Variants in NAIF1 observed in about 807,000 individuals in gnomAD.
NAIF1 encodes nuclear apoptosis-inducing factor 1.
In NAIF1, 14 loss-of-function variants were observed where a neutral mutation model predicts 20.7. The observed-to-expected ratio is 0.67, with a 90% confidence interval of 0.45 to 1.05. The LOEUF (loss-of-function observed/expected upper bound fraction) is 1.05, where lower values mean the gene tolerates loss of function less well. Among genes scored for constraint, NAIF1 ranks in the 50% least tolerant of loss-of-function variants. The probability of loss-of-function intolerance (pLI) is 0.00; values close to 1 mark genes in which losing one functional copy is unlikely to be tolerated. For synonymous variants in NAIF1, 191 were observed against 191.4 expected (o/e 1.00, Z 0.02); for missense variants, 362 against 448.8 (o/e 0.81, Z 1.75).
rs1239560609 is a variant in NAIF1, at chr9:128,066,767, C to A, written c.335G>T (p.Gly112Val). 1 of 1,609,504 alleles carries A rather than the reference C, an allele frequency of 6.2e-7. No individual in the cohort carries two copies. Among genetic ancestry groups the A allele is most frequent in the Non-Finnish European group, 8.5e-7 (1 of 1,177,502 alleles). ...DGAGGPGTGG[G>V]SGGGGPAVAP... ...TACAGCTGGGCCACCGCCACCACTG[C>A]CACCGCCTGTCCCAGGCCCCCCAGC... is the stretch of plus-strand genomic sequence containing the variant. The change falls in exon 1 of 2, where the codon GGC becomes GTC. Residue 112 changes from glycine to valine, a missense_variant. Physicochemically the swap from Gly to Val is moderately radical, Grantham distance 109. This residue lies in a region of NAIF1 where 300 missense variants were observed against 342.7 expected (regional missense o/e 0.88). Coordinates refer to ENST00000373078, the MANE Select transcript of NAIF1 (RefSeq NM_197956.4).
At position 128,063,792 on chromosome 9, in the gene NAIF1, T is replaced by C; in HGVS notation, c.620A>G (p.Gln207Arg). ...PPETPVDMMAQHADTSVKPQA... is the reference protein window; with the variant it reads ...PPETPVDMMARHADTSVKPQA... ...CGGCTTGACCGACGTGTCTGCATGC[T>C]GGGCCATCATGTCCACAGGGGTCTC... The change falls in exon 2 of 2, where the codon CAG (glutamine) becomes CGG (arginine). Residue 207 changes from glutamine to arginine, a missense_variant. Transcript: ENST00000373078. The surrounding 1 kb of genome is among the most constrained non-coding windows in gnomAD (Gnocchi z 4.3). 6.2e-7 allele frequency: 1 copy of C among 1,613,880 alleles called. No individual in the cohort carries two copies. The highest frequency in any genetic ancestry group is 8.5e-7 in the Non-Finnish European group (1 of 1,180,038).
In NAIF1 at chr9:128,067,249, A is replaced by T. The variant is rs1832796929; in HGVS notation, c.-148T>A. On this transcript the variant is annotated 5_prime_UTR_variant, in exon 1 of 2. Transcript: ENST00000373078. ...GAGGCCAAGCACTAGGCCTTTGGTAACCCCCCTCGCTACGCAAAGTGCGTA... is the reference window on the plus strand; with the variant it reads ...GAGGCCAAGCACTAGGCCTTTGGTATCCCCCCTCGCTACGCAAAGTGCGTA... 4 of 979,068 alleles carry T rather than the reference A, an allele frequency of 4.1e-6. No homozygotes were observed. The highest frequency in any genetic ancestry group is 5.8e-6 in the Non-Finnish European group (4 of 684,408). The allele number at this position is 979,068 out of a possible 1,614,324, so 60.6% of individuals were successfully genotyped here.
At chr9:128,065,914 AGAAGCCCCCTTCCTCTTCCGGGGCCT>A (rs1832772010) in intron 1 of NAIF1, among the ~76,000 whole-genome samples, 1 of 152,270 alleles carries the variant, frequency 6.6e-6, no homozygotes, top group Admixed American at 6.5e-5. Context: ...TATGCCACCA[AGAAGCCCCCTTCCTCTTCCGGGGCCT>A]GAGGTTTTCC....
At position 128,066,702 on chromosome 9, in the gene NAIF1, T is replaced by G. The variant is rs1832785775; in HGVS notation, c.400A>C (p.Asn134His). 1 of 1,611,478 alleles carries G rather than the reference T, an allele frequency of 6.2e-7. No homozygotes were observed. The highest frequency in any genetic ancestry group is 1.3e-5 in the African/African-American group (1 of 74,902). ...ATGATGGTGGCCTCGCCCAGCAGGTTGCAGATACGTTGTTGCATGGGGGTC... is the reference window on the plus strand; with the variant it reads ...ATGATGGTGGCCTCGCCCAGCAGGTGGCAGATACGTTGTTGCATGGGGGTC... ...LLTPMQQRICNLLGEATIISL... is the reference protein window; with the variant it reads ...LLTPMQQRICHLLGEATIISL... The change falls in exon 1 of 2, where the codon AAC becomes CAC. Residue 134 changes from asparagine (N) to histidine (H), a missense_variant. By Grantham distance (68) the Asn-to-His change is moderately conservative. Transcript: ENST00000373078.
rs1041966694 is a variant in NAIF1, at chr9:128,063,515, G to A, written c.897C>T (p.Tyr299=). The A allele has an allele frequency of 2.5e-6, 4 of 1,609,884 alleles. No homozygotes were observed. The highest frequency in any genetic ancestry group is 2.7e-5 in the African/African-American group (2 of 74,952). The stretch of plus-strand genomic sequence containing the variant: ...CCGGGTTAGCTGTGTTGCTCTGCAG[G>A]TAGCGGCGGAAATCTTTGATCATAG... ...LRPMIKDFRR[Y]LQSNTANPAP... Residue 299 remains tyrosine (Y), a synonymous_variant, in exon 2 of 2, where the codon TAC becomes TAT. Coordinates refer to ENST00000373078, the MANE Select transcript of NAIF1 (RefSeq NM_197956.4). The surrounding 1 kb of genome is among the most constrained non-coding windows in gnomAD (Gnocchi z 4.3).
Position 128,063,173 on chromosome 9 carries a change from C to T in NAIF1, c.*255G>A, listed in dbSNP as rs1449428064. ...CCCGGGGTCATGACAACACATGTCC[C>T]ATCACATGCACACGTGACCCCCTGC... On this transcript the variant is annotated 3_prime_UTR_variant, in exon 2 of 2. Coordinates refer to ENST00000373078, the MANE Select transcript of NAIF1 (RefSeq NM_197956.4). This position sits in a 1 kb window ranked among gnomAD's most constrained non-coding sequence, Gnocchi z 4.3. 3 of 528,112 alleles carry T rather than the reference C, an allele frequency of 5.7e-6. No individual in the cohort carries two copies. In the Admixed American group the frequency reaches 9.5e-5, roughly 17 times the overall value. The allele number at this position is 528,112 out of a possible 1,614,324, so 32.7% of individuals were successfully genotyped here.
At chr9:128,065,728 G>A (rs980137409) in intron 1 of NAIF1, among the ~76,000 whole-genome samples, 2 of 151,716 alleles carry the variant, frequency 1.3e-5, no homozygotes, top group African/African-American at 2.4e-5. Context: ...CATCACAAAC[G>A]AGCAGAGGTA....
chr9:128,063,488 G>A lies in NAIF1; in HGVS notation c.924C>T (p.Ala308=), dbSNP rs1221703603. 6.2e-7 allele frequency: 1 copy of A among 1,609,602 alleles called. No homozygotes were observed. Among genetic ancestry groups the A allele is most frequent in the African/African-American group, 1.3e-5 (1 of 74,944 alleles). ...RYLQSNTANP[A]PASDPGQVAQ... is the part of the protein sequence containing the mutation. ...CCACCTGCCCAGGGTCAGAGGCGGG[G>A]GCCGGGTTAGCTGTGTTGCTCTGCA... Residue 308 remains alanine, a synonymous_variant, in exon 2 of 2, where the codon GCC becomes GCT. Transcript: ENST00000373078. This position sits in a 1 kb window ranked among gnomAD's most constrained non-coding sequence, Gnocchi z 4.3.
chr9:128,062,390 G>T lies in NAIF1; in HGVS notation c.*1038C>A, dbSNP rs1651247468. 6.6e-6 allele frequency: 1 copy of T among 152,412 alleles called. No homozygotes were observed. Among genetic ancestry groups the T allele is most frequent in the Non-Finnish European group, 1.5e-5 (1 of 68,130 alleles). The allele number at this position is 152,412 out of a possible 1,614,324, so 9.4% of individuals were successfully genotyped here. A position where few individuals can be genotyped will look rare whatever the true frequency, so the allele number is the denominator to read the frequency against. On this transcript the variant is annotated 3_prime_UTR_variant, in exon 2 of 2. Transcript: ENST00000373078. ...CAGCTACTCAGAGGGAGTCTCAAGAGAACAGAAGGCACTGAGCGGTGTGGC... is the reference window on the plus strand; with the variant it reads ...CAGCTACTCAGAGGGAGTCTCAAGATAACAGAAGGCACTGAGCGGTGTGGC...
intron 1 of NAIF1, 132 bp from the exon 2 acceptor site, chr9:128,064,032 G>C (rs573360629): frequency 1.5e-6 from 1 of 651,596 alleles, no homozygotes. Context: ...GCCTCCCCTG[G>C]CTGCATAGCT....
chr9:128,063,523 G>A lies in NAIF1; in HGVS notation c.889C>T (p.Arg297Cys), dbSNP rs138010554. 1,356 of 1,610,106 alleles carry A rather than the reference G, an allele frequency of 8.4e-4. 2 individuals are homozygous for A. The highest frequency in any genetic ancestry group is 1.1e-3 in the Non-Finnish European group (1,244 of 1,180,018). The stretch of plus-strand genomic sequence containing the variant: ...GCTGTGTTGCTCTGCAGGTAGCGGC[G>A]GAAATCTTTGATCATAGGCCGGAGG... Reference protein sequence around the residue: ...QVLRPMIKDFRRYLQSNTANP... With the variant: ...QVLRPMIKDFCRYLQSNTANP... Residue 297 changes from arginine to cysteine, a missense_variant, in exon 2 of 2, where the codon CGC becomes TGC. This residue lies in a region of NAIF1 where 300 missense variants were observed against 342.7 expected (regional missense o/e 0.88). Transcript: ENST00000373078. The surrounding 1 kb of genome is among the most constrained non-coding windows in gnomAD (Gnocchi z 4.3).
rs1220309984 is a variant in NAIF1, at chr9:128,063,909, TAG to T, written c.512-11_512-10del. ...GGTGGTCTCTGTGGGGACTGCACAG[TAG>T]AAAGAACAGAGGCCAAGGGAGGTCA... On this transcript the variant is annotated splice_polypyrimidine_tract_variant and intron_variant, in intron 1 of 1. Transcript: ENST00000373078. This position sits in a 1 kb window ranked among gnomAD's most constrained non-coding sequence, Gnocchi z 4.3. The T allele has an allele frequency of 1.3e-6, 2 of 1,598,416 alleles. No homozygotes were observed. The highest frequency in any genetic ancestry group is 3.3e-5 in the Admixed American group (2 of 59,906).
At chr9:128,064,045 T>G in intron 1 of NAIF1, 145 bp from the exon 2 acceptor site, 1 of 611,190 alleles carries the variant, frequency 1.6e-6, no homozygotes. Flanking sequence ...GCATAGCTAT[T>G]CACATATAAA....
intron 1 of NAIF1, among the ~76,000 whole-genome samples, chr9:128,064,772 G>A (rs1025349861): frequency 7.2e-5 from 11 of 152,076 alleles, no homozygotes; most frequent in African/African-American, 2.7e-4. Context: ...GGAGGCCGAG[G>A]TGGGTGGATT....
chr9:128,061,606 GTCTTCGGTGCA>G lies in NAIF1; in HGVS notation c.*1811_*1821del, dbSNP rs1331837286. On this transcript the variant is annotated 3_prime_UTR_variant, in exon 2 of 2. Coordinates refer to ENST00000373078, the MANE Select transcript of NAIF1 (RefSeq NM_197956.4). Reference sequence around the variant, plus strand: ...ACAGTACAGCAGTCACCTCCCAGCTGTCTTCGGTGCATCTTCAGGGCCACCTTCCTGTGGTC... The same window carrying G: ...ACAGTACAGCAGTCACCTCCCAGCTGTCTTCAGGGCCACCTTCCTGTGGTC... The G allele has an allele frequency of 1.3e-5, 2 of 152,282 alleles. No homozygotes were observed. Among genetic ancestry groups the G allele is most frequent in the African/African-American group, 4.8e-5 (2 of 41,452 alleles). The allele number at this position is 152,282 out of a possible 1,614,324, so 9.4% of individuals were successfully genotyped here. A position where few individuals can be genotyped will look rare whatever the true frequency, so the allele number is the denominator to read the frequency against.
At chr9:128,066,373 C>G (rs548974702) in intron 1 of NAIF1, 8 of 433,228 alleles carry the variant, frequency 1.8e-5, no homozygotes, top group African/African-American at 1.6e-4. Context: ...TGCTCAGTGG[C>G]GAGCTATCCA....
In NAIF1 at chr9:128,066,658, T is replaced by G; in HGVS notation, c.444A>C (p.Thr148=). 1.9e-6 allele frequency: 3 copies of G among 1,583,742 alleles called. No individual in the cohort carries two copies. Among genetic ancestry groups the G allele is most frequent in the East Asian group, 2.3e-5 (1 of 44,066 alleles). The change falls in exon 1 of 2, where the codon ACA becomes ACC. Residue 148 remains threonine, a synonymous_variant. Transcript: ENST00000373078. ...GTCCGAGGGCCACAGGGTGGATCTC[T>G]GTGGTGCTGGGCAGGCTGATGATGG... The part of the protein sequence containing the change: ...EATIISLPST[T]EIHPVALGPS...
intron 1 of NAIF1, among the ~76,000 whole-genome samples, chr9:128,064,670 T>C (rs1242661894): frequency 2.0e-5 from 3 of 152,018 alleles, no homozygotes; most frequent in African/African-American, 4.8e-5. Flanking sequence ...CAGAGCCCGA[T>C]GTGCTCCTGA....
Position 128,067,050 on chromosome 9 carries a change from C to T in NAIF1, c.52G>A (p.Glu18Lys). The T allele has an allele frequency of 6.2e-7, 1 of 1,613,068 alleles. No individual in the cohort carries two copies. The highest frequency in any genetic ancestry group is 8.5e-7 in the Non-Finnish European group (1 of 1,179,216). Residue 18 changes from glutamate (E) to lysine (K), a missense_variant, in exon 1 of 2, where the codon GAG (glutamate) becomes AAG (lysine). Glu to Lys is a moderately conservative substitution (Grantham distance 56, BLOSUM62 1). This residue lies in a region of NAIF1 where 51 missense variants were observed against 68.7 expected (regional missense o/e 0.74). Transcript: ENST00000373078. ...AGCTCCAGCTCCTCCACGATGATCTCCACCTCCCGCTCTGAGAAGTTCATC... is the reference window on the plus strand; with the variant it reads ...AGCTCCAGCTCCTCCACGATGATCTTCACCTCCCGCTCTGAGAAGTTCATC... ...RKMNFSEREV[E>K]IIVEELELKK...
Sources: allele counts gnomAD v4.1 joint callset (sites outside exome capture counted in the v4.1 genomes callset), GRCh38; gene constraint gnomAD v4.1.1; regional missense constraint gnomAD v4.1.1; non-coding constraint Gnocchi (gnomAD v3.1); transcripts MANE v1.5; gene names NCBI Gene and HGNC (gene_info 2026-07-23, HGNC 2026-07-21).